The following TMEM132D variants were observed in gnomAD, a reference collection of about 807,000 sequenced individuals.
TMEM132D encodes the protein transmembrane protein 132D, also known as mature OL transmembrane protein.
In TMEM132D, 21 loss-of-function variants were observed where a neutral mutation model predicts 62.3. The ratio of observed to expected loss-of-function variants is 0.34; its 90% confidence interval spans 0.24 to 0.49. The LOEUF (loss-of-function observed/expected upper bound fraction) is 0.49. TMEM132D is among the 20% of genes least tolerant of loss of function. The probability of loss-of-function intolerance (pLI) is 0.99; values close to 1 mark genes in which losing one functional copy is unlikely to be tolerated. For synonymous variants in TMEM132D, 621 were observed against 575.6 expected (o/e 1.08, Z -1.13); for missense variants, 1,346 against 1,402.8 (o/e 0.96, Z 0.65).
At chr12:129,840,865 C>T (rs893660469) in intron 1 of TMEM132D, among the ~76,000 whole-genome samples, 7 of 152,332 alleles carry the variant, frequency 4.6e-5, no homozygotes, top group Non-Finnish European at 8.8e-5. Flanking sequence ...TTGCTTAATG[C>T]TTAATAAATA....
At chr12:129,820,177 T>G (rs1447317715) in intron 1 of TMEM132D, among the ~76,000 whole-genome samples, 1 of 152,170 alleles carries the variant, frequency 6.6e-6, no homozygotes, top group Non-Finnish European at 1.5e-5. Context: ...GCCTGAATCC[T>G]TTTCAGGAGT....
chr12:129,209,632 G>T lies in TMEM132D; in HGVS notation c.1331C>A (p.Thr444Lys), dbSNP rs771427502. The stretch of plus-strand genomic sequence containing the variant: ...CACCGGGACGGCCACCGTCTTCCCC[G>T]TGAGGATGGCTGTGTTCAGGATTTC... ...EAEILNTAIL[T>K]GKTVAVPVKV... Residue 444 changes from threonine (T) to lysine (K), a missense_variant, in exon 5 of 9, where the codon ACG becomes AAG. Thr to Lys is a moderately conservative substitution (Grantham distance 78). Transcript: ENST00000422113. The T allele has an allele frequency of 1.2e-6, 2 of 1,614,164 alleles. No homozygotes were observed. The highest frequency in any genetic ancestry group is 1.1e-5 in the South Asian group (1 of 91,086).
chr12:129,361,843 G>C (rs2135674726), intron 3 of TMEM132D, among the ~76,000 whole-genome samples: 1 of 152,318 alleles, frequency 6.6e-6, no homozygotes, highest in South Asian at 2.1e-4. Context: ...GTTCAAAAAA[G>C]AGGCAAATCA....
chr12:129,675,226 G>T (rs901031486), intron 2 of TMEM132D, among the ~76,000 whole-genome samples: 1 of 152,148 alleles, frequency 6.6e-6, no homozygotes, highest in Non-Finnish European at 1.5e-5. Context: ...CTTTGCAGGG[G>T]CATGGATGAA....
intron 1 of TMEM132D, among the ~76,000 whole-genome samples, chr12:129,701,977 A>C (rs541403827): frequency 6.6e-6 from 1 of 152,302 alleles, no homozygotes; most frequent in African/African-American, 2.4e-5. Flanking sequence ...TGAGACGATG[A>C]GCAGGTCACT....
Position 129,723,027 on chromosome 12 carries a change from C to T in TMEM132D, c.80-22329G>A, listed in dbSNP as rs140476865. Among the ~76,000 whole-genome samples, 148 of 152,194 alleles carry T rather than the reference C, an allele frequency of 9.7e-4. 1 individual carries two copies. The highest frequency in any genetic ancestry group is 3.4e-3 in the African/African-American group (141 of 41,536). ...AAAGTGCTGAGATTACAGGTGTAAG[C>T]CACTGTGCCCGGCCGATCCTGGCTA... On this transcript the variant is annotated intron_variant, in intron 1 of 8. Transcript: ENST00000422113.
intron 2 of TMEM132D, among the ~76,000 whole-genome samples, chr12:129,576,679 A>G (rs994778591): frequency 4.0e-5 from 6 of 151,774 alleles, no homozygotes; most frequent in African/African-American, 1.5e-4. Flanking sequence ...CAAACTCCCC[A>G]CATTCAAAAA....
chr12:129,644,107 C>G (rs1449588593), intron 2 of TMEM132D, among the ~76,000 whole-genome samples: 1 of 152,090 alleles, frequency 6.6e-6, no homozygotes, highest in Non-Finnish European at 1.5e-5. Flanking sequence ...CCCGCCTCAG[C>G]CTCCCAAAGT....
At chr12:129,463,465 T>TGTATTATTATTATTA (rs1469195752) in intron 3 of TMEM132D, among the ~76,000 whole-genome samples, 2 of 89,682 alleles carry the variant, frequency 2.2e-5, no homozygotes, top group African/African-American at 3.0e-5. Flanking sequence ...TATTTATTTA[T>TGTATTATTATTATTA]TTATGTATTA....
At chr12:129,478,959 A>G (rs80034705) in intron 3 of TMEM132D, among the ~76,000 whole-genome samples, 38 of 152,328 alleles carry the variant, frequency 2.5e-4, no homozygotes, top group African/African-American at 9.1e-4. Context: ...ATGCATGAAG[A>G]TATATTTGTG....
chr12:129,150,836 C>T (rs1877049901), intron 5 of TMEM132D, among the ~76,000 whole-genome samples: 1 of 152,248 alleles, frequency 6.6e-6, no homozygotes, highest in South Asian at 2.1e-4. Flanking sequence ...TGGCCCCGGA[C>T]TAAAGTGATC....
At chr12:129,716,306 G>T (rs1565959936) in intron 1 of TMEM132D, among the ~76,000 whole-genome samples, 2 of 152,128 alleles carry the variant, frequency 1.3e-5, no homozygotes, top group Admixed American at 1.3e-4. Context: ...ATCTGCTCAG[G>T]CACATGCTCT....
At chr12:129,088,461 A>C (rs867986854) in intron 5 of TMEM132D, among the ~76,000 whole-genome samples, 30 of 27,360 alleles carry the variant, frequency 1.1e-3, no homozygotes, top group Admixed American at 1.8e-3. Flanking sequence ...GGTGTCCTCC[A>C]TGACCGGGGT....
intron 1 of TMEM132D, among the ~76,000 whole-genome samples, chr12:129,805,148 A>G (rs1216064910): frequency 2.6e-5 from 4 of 151,514 alleles, no homozygotes; most frequent in Non-Finnish European, 5.9e-5. Context: ...TGTCATCCCC[A>G]TCAAGCTACC....
intron 3 of TMEM132D, among the ~76,000 whole-genome samples, chr12:129,476,314 T>G (rs1308348674): frequency 1.3e-5 from 2 of 152,234 alleles, no homozygotes; most frequent in Non-Finnish European, 2.9e-5. Flanking sequence ...GAAGTATTGC[T>G]GTCAGGGATC....
At chr12:129,801,185 G>T (rs551489643) in intron 1 of TMEM132D, among the ~76,000 whole-genome samples, 54 of 152,296 alleles carry the variant, frequency 3.5e-4, no homozygotes, top group African/African-American at 1.2e-3. Flanking sequence ...CAAAGCAGCC[G>T]GGAAGCTCCA....
intron 4 of TMEM132D, among the ~76,000 whole-genome samples, chr12:129,258,735 G>A (rs1220251789): frequency 1.3e-5 from 2 of 152,212 alleles, no homozygotes; most frequent in African/African-American, 2.4e-5. Flanking sequence ...TGCTAGGCTT[G>A]AAGGGTACTG....
intron 4 of TMEM132D, among the ~76,000 whole-genome samples, chr12:129,301,443 T>TAA (rs371350183): frequency 6.7e-6 from 1 of 148,490 alleles, no homozygotes; most frequent in Non-Finnish European, 1.5e-5. Flanking sequence ...TAGCAATGCT[T>TAA]AAAAAAAAAA....
At chr12:129,687,514 C>G (rs1407309599) in intron 2 of TMEM132D, among the ~76,000 whole-genome samples, 3 of 151,992 alleles carry the variant, frequency 2.0e-5, no homozygotes, top group African/African-American at 7.3e-5. Flanking sequence ...CCACTGCCAA[C>G]TGGGTTACTG....
Sources: allele counts gnomAD v4.1 joint callset (sites outside exome capture counted in the v4.1 genomes callset), GRCh38; gene constraint gnomAD v4.1.1; transcripts MANE v1.5; gene names NCBI Gene and HGNC (gene_info 2026-07-23, HGNC 2026-07-21).